Variants in SYBU observed in about 807,000 individuals in gnomAD.
The protein encoded by SYBU is syntabulin.
A neutral mutation model predicts 35.9 loss-of-function variants in SYBU; 21 were observed. That is an observed-to-expected ratio of 0.58 (90% CI 0.41 to 0.84). The LOEUF (loss-of-function observed/expected upper bound fraction) is 0.84. SYBU is among the 40% of genes least tolerant of loss of function. The pLI, the probability that SYBU is intolerant of heterozygous loss-of-function variation, is 0.00. For synonymous variants in SYBU, 319 were observed against 324.3 expected (o/e 0.98, Z 0.18); for missense variants, 768 against 848.2 (o/e 0.91, Z 1.17).
chr8:109,623,027 G>A (rs545172599), intron 2 of SYBU, among the ~76,000 whole-genome samples: 17 of 136,658 alleles, frequency 1.2e-4, no homozygotes, highest in Admixed American at 7.1e-4. Context: ...GAGCGTGCGC[G>A]CGCGCACACA....
chr8:109,621,954 A>T (rs997550119), intron 2 of SYBU, among the ~76,000 whole-genome samples: 3 of 152,162 alleles, frequency 2.0e-5, no homozygotes, highest in African/African-American at 7.2e-5. Context: ...TTTGTGCAGC[A>T]CTGAAGAAGA....
At chr8:109,583,751 A>G (rs894470665) in intron 4 of SYBU, among the ~76,000 whole-genome samples, 1 of 152,170 alleles carries the variant, frequency 6.6e-6, no homozygotes, top group Non-Finnish European at 1.5e-5. Context: ...GACATTGCTG[A>G]GATAGTCCAT....
At chr8:109,637,761 C>A (rs1302120151) in intron 2 of SYBU, among the ~76,000 whole-genome samples, 1 of 152,158 alleles carries the variant, frequency 6.6e-6, no homozygotes, top group Non-Finnish European at 1.5e-5. Flanking sequence ...TTCTGTTTGG[C>A]AAGGCCTGGC....
intron 3 of SYBU, among the ~76,000 whole-genome samples, chr8:109,607,254 A>T (rs1826159354): frequency 6.6e-6 from 1 of 152,236 alleles, no homozygotes; most frequent in Non-Finnish European, 1.5e-5. Flanking sequence ...TAATAAAAAT[A>T]AAAATGTTCC....
At chr8:109,600,016 C>A (rs942042394) in intron 3 of SYBU, among the ~76,000 whole-genome samples, 5 of 152,184 alleles carry the variant, frequency 3.3e-5, no homozygotes, top group Admixed American at 1.3e-4. Context: ...AGCTTTACTT[C>A]CTTCAGGAAG....
At chr8:109,639,945 CA>C (rs1814674073) in intron 2 of SYBU, among the ~76,000 whole-genome samples, 1 of 152,158 alleles carries the variant, frequency 6.6e-6, no homozygotes, top group Non-Finnish European at 1.5e-5. Context: ...ACACAGCACT[CA>C]AAAGCCTTTG....
intron 3 of SYBU, among the ~76,000 whole-genome samples, chr8:109,615,990 TTCTTTTCTTTTCTTTC>T (rs1811706216): frequency 7.5e-6 from 1 of 133,698 alleles, no homozygotes; most frequent in African/African-American, 3.1e-5. Flanking sequence ...GTAATTTCTT[TTCTTTTCTTTTCTTTC>T]TTTTTTTTTT....
chr8:109,650,942 T>C (rs1389292101), intron 1 of SYBU, among the ~76,000 whole-genome samples: 3 of 152,256 alleles, frequency 2.0e-5, no homozygotes, highest in African/African-American at 7.2e-5. Context: ...ATGTATTTAC[T>C]TTCAGGCTTA....
rs1190211452 is a variant in SYBU, at chr8:109,577,994, C to T, written c.758G>A (p.Cys253Tyr). Residue 253 changes from cysteine (C) to tyrosine (Y), a missense_variant, in exon 6 of 7, where the codon TGC becomes TAC. By Grantham distance (194) the Cys-to-Tyr change is radical. Transcript: ENST00000276646. ...IMRRSGRYMS[C>Y]GENHGVRPPN... ...GGGTCTGACACCATGATTTTCACCG[C>T]AAGACATGTACCTTCCAGAACGCCT... 26 of 1,613,388 alleles carry T rather than the reference C, an allele frequency of 1.6e-5. No homozygotes were observed. Among genetic ancestry groups the T allele is most frequent in the Non-Finnish European group, 2.2e-5 (26 of 1,179,706 alleles).
chr8:109,618,918 C>A lies in SYBU; in HGVS notation c.351G>T (p.Thr117=). 1.9e-6 allele frequency: 3 copies of A among 1,614,172 alleles called. No individual in the cohort carries two copies. Among genetic ancestry groups the A allele is most frequent in the Non-Finnish European group, 2.5e-6 (3 of 1,180,014 alleles). ...SDEGFTRKKC[T]IGMVGEGSIQ... is the part of the protein sequence containing the mutation. ...TGCTTCCTTCACCAACCATTCCAAT[C>A]GTGCATTTCTTTCTGGTGAAGCCTT... The change falls in exon 3 of 7, where the codon ACG becomes ACT. Residue 117 remains threonine (T), a synonymous_variant. Coordinates refer to ENST00000276646, the MANE Select transcript of SYBU (RefSeq NM_001099754.2).
At chr8:109,586,379 T>C (rs2236627) in intron 3 of SYBU, 59,789 of 531,240 alleles carry the variant, frequency 0.11, 4,416 homozygotes, top group East Asian at 0.31. Flanking sequence ...AGATGCACAG[T>C]AAGGCTGGTT....
chr8:109,650,816 T>G (rs1233335454), intron 1 of SYBU, among the ~76,000 whole-genome samples: 2 of 152,250 alleles, frequency 1.3e-5, no homozygotes, highest in African/African-American at 4.8e-5. Context: ...TGATAACTAT[T>G]TTTTTCTTAA....
chr8:109,577,786 C>CT (rs1309000170), intron 6 of SYBU, 82 bp downstream of exon 6: 35 of 1,389,956 alleles, frequency 2.5e-5, no homozygotes, highest in Non-Finnish European at 3.1e-5. Flanking sequence ...TCTTTTCTAT[C>CT]TTTCTATAGT....
intron 4 of SYBU, among the ~76,000 whole-genome samples, chr8:109,581,773 C>A (rs933026294): frequency 1.1e-4 from 16 of 152,178 alleles, no homozygotes; most frequent in Non-Finnish European, 1.6e-4. Flanking sequence ...CACTTATTTA[C>A]AATCAAATAT....
intron 1 of SYBU, among the ~76,000 whole-genome samples, chr8:109,661,476 C>T (rs1816559043): frequency 6.6e-6 from 1 of 152,200 alleles, no homozygotes; most frequent in South Asian, 2.1e-4. Context: ...GGATGTCCCT[C>T]TTTCATTCAC....
chr8:109,689,217 G>A (rs890594463), intron 1 of SYBU, among the ~76,000 whole-genome samples: 3 of 152,026 alleles, frequency 2.0e-5, no homozygotes, highest in East Asian at 1.9e-4. Context: ...ACCCTTCACC[G>A]GGTCTTCCCC....
intron 2 of SYBU, among the ~76,000 whole-genome samples, chr8:109,634,636 A>C (rs1178520517): frequency 1.3e-5 from 2 of 152,162 alleles, no homozygotes; most frequent in Non-Finnish European, 2.9e-5. Context: ...CAGGTAACCA[A>C]ATAAGAAATT....
chr8:109,601,995 T>C (rs1282808640), intron 3 of SYBU, among the ~76,000 whole-genome samples: 1 of 152,092 alleles, frequency 6.6e-6, no homozygotes, highest in African/African-American at 2.4e-5. Context: ...AAGGAGAGAC[T>C]GGAGGCTGGT....
upstream of SYBU, chr8:109,648,766 A>G (rs189969728): frequency 2.6e-5 from 4 of 151,266 alleles, no homozygotes; most frequent in East Asian, 7.8e-4. Flanking sequence ...CTGTGTGAGC[A>G]AGAGCTGCTG....
Sources: allele counts gnomAD v4.1 joint callset (sites outside exome capture counted in the v4.1 genomes callset), GRCh38; gene constraint gnomAD v4.1.1; transcripts MANE v1.5; gene names NCBI Gene and HGNC (gene_info 2026-07-23, HGNC 2026-07-21).